Variants in CDS1 observed in about 807,000 individuals in gnomAD.
CDS1 encodes CDP-diacylglycerol synthase 1.
A neutral mutation model predicts 62.1 loss-of-function variants in CDS1; 41 were observed. The observed-to-expected ratio is 0.66, with a 90% CI of 0.51 to 0.86. The LOEUF is 0.86. Ranked by LOEUF, CDS1 falls within the 40% of genes least tolerant of loss-of-function variation. The pLI, the probability that CDS1 is intolerant of heterozygous loss-of-function variation, is 0.00. For missense variants in CDS1, 470 were observed against 550.1 expected (o/e 0.85, Z 1.46); for synonymous variants, 185 against 192.6 (o/e 0.96, Z 0.32).
At chr4:84,616,289 A>G (rs932965799) in intron 3 of CDS1, among the ~76,000 whole-genome samples, 2 of 152,170 alleles carry the variant, frequency 1.3e-5, no homozygotes, top group Non-Finnish European at 2.9e-5. Flanking sequence ...AGTACTGTTT[A>G]TGGTTTGACG....
At chr4:84,634,655 TTGTG>T (rs530006509) in intron 7 of CDS1, among the ~76,000 whole-genome samples, 38 of 151,984 alleles carry the variant, frequency 2.5e-4, no homozygotes, top group Admixed American at 7.2e-4. Context: ...GGTTGTGTCT[TTGTG>T]TGTGTGTGTC....
At chr4:84,593,498 T>G (rs1002792266) in intron 1 of CDS1, among the ~76,000 whole-genome samples, 1 of 128,960 alleles carries the variant, frequency 7.8e-6, no homozygotes, top group Non-Finnish European at 1.7e-5. Context: ...AGTTACAAGG[T>G]TTTTTTTGTT....
At chr4:84,618,546 T>A (rs1180681781) in intron 4 of CDS1, among the ~76,000 whole-genome samples, 1 of 152,212 alleles carries the variant, frequency 6.6e-6, no homozygotes, top group Non-Finnish European at 1.5e-5. Context: ...AAGTTTTGGA[T>A]AAAGAAGAGT....
At chr4:84,611,675 G>T (rs976854066) in intron 3 of CDS1, among the ~76,000 whole-genome samples, 8 of 152,148 alleles carry the variant, frequency 5.3e-5, no homozygotes, top group African/African-American at 1.9e-4. Context: ...TAATGAAAAT[G>T]AATAAGAAGT....
rs569433649 is a variant in CDS1 at position 84,591,013 on chromosome 4, G to A, written c.117+7495G>A. On this transcript the variant is annotated intron_variant, in intron 1 of 12. Transcript: ENST00000295887. ...GCCTCTCGGGGCCTGATAATTTAAT[G>A]AGACTCATATTCTTCAAAATAAAAG... 2.4e-4 allele frequency among the ~76,000 whole-genome samples: 37 copies of A among 152,232 alleles called. 2 individuals carry two copies. The South Asian group carries it at 7.7e-3, about 32-fold the overall frequency.
rs397687994 is a variant in CDS1 at position 84,638,870 on chromosome 4, T to TA, written c.811-54_811-53insA. 1,241 of 517,542 alleles carry TA rather than the reference T, an allele frequency of 2.4e-3. 3 individuals are homozygous for TA. The highest frequency in any genetic ancestry group is 3.2e-3 in the Admixed American group (94 of 29,736). The allele number at this position is 517,542 out of a possible 1,614,324, so 32.1% of individuals were successfully genotyped here. On this transcript the variant is annotated intron_variant, in intron 8 of 12. Transcript: ENST00000295887. ...GTTTATATATATATATATATATATA[T>TA]TGTGAGTTTTGTGAGTGCAGTAAAG...
In CDS1 at chr4:84,648,707, A is replaced by G. The variant is rs1219187245; in HGVS notation, c.*21A>G. ...TATAACTGGATCCAGAGAGGGAAGG[A>G]CTGACAAGAAGGAATTATTCAGAAA... On this transcript the variant is annotated 3_prime_UTR_variant, in exon 13 of 13. Coordinates refer to ENST00000295887, the MANE Select transcript of CDS1 (RefSeq NM_001263.4). 2 of 1,600,016 alleles carry G rather than the reference A, an allele frequency of 1.2e-6. No homozygotes were observed. Among genetic ancestry groups the G allele is most frequent in the African/African-American group, 1.3e-5 (1 of 74,254 alleles).
At chr4:84,616,014 TCTCTC>T (rs753881585) in intron 3 of CDS1, among the ~76,000 whole-genome samples, 6 of 152,342 alleles carry the variant, frequency 3.9e-5, no homozygotes, top group South Asian at 2.1e-4. Context: ...ATACTTTTGT[TCTCTC>T]CTCTCAGTAA....
intron 1 of CDS1, among the ~76,000 whole-genome samples, chr4:84,592,617 G>T (rs1268889630): frequency 6.6e-6 from 1 of 152,142 alleles, no homozygotes; most frequent in Non-Finnish European, 1.5e-5. Context: ...TCTCAGAACT[G>T]TCAAGATTTT....
intron 5 of CDS1, among the ~76,000 whole-genome samples, chr4:84,631,350 A>T (rs1336154438): frequency 6.6e-6 from 1 of 152,202 alleles, no homozygotes; most frequent in East Asian, 1.9e-4. Flanking sequence ...GTAATAAAGG[A>T]TCATCATTAA....
chr4:84,588,570 T>G (rs992992775), intron 1 of CDS1, among the ~76,000 whole-genome samples: 2 of 152,068 alleles, frequency 1.3e-5, no homozygotes, highest in Non-Finnish European at 2.9e-5. Context: ...AAAAGATAGT[T>G]TGGTGTGCAG....
intron 1 of CDS1, among the ~76,000 whole-genome samples, chr4:84,591,276 T>C (rs532275440): frequency 2.0e-5 from 3 of 152,350 alleles, no homozygotes; most frequent in African/African-American, 7.2e-5. Flanking sequence ...TTAACCATTT[T>C]ATATTTGGGG....
intron 1 of CDS1, among the ~76,000 whole-genome samples, chr4:84,588,105 AT>A (rs1722473123): frequency 6.6e-6 from 1 of 152,168 alleles, no homozygotes; most frequent in Non-Finnish European, 1.5e-5. Context: ...AAATATTCTG[AT>A]TTCCTTCACT....
chr4:84,622,464 G>A (rs1201608457), intron 5 of CDS1, among the ~76,000 whole-genome samples: 3 of 151,824 alleles, frequency 2.0e-5, no homozygotes, highest in Non-Finnish European at 4.4e-5. Context: ...GCGGTGGCAG[G>A]TGCCTGTAAT....
chr4:84,599,832 T>C (rs1342611691), intron 1 of CDS1, among the ~76,000 whole-genome samples: 1 of 152,170 alleles, frequency 6.6e-6, no homozygotes, highest in Non-Finnish European at 1.5e-5. Context: ...CGAGTAAAGC[T>C]ACCATGAACA....
chr4:84,601,172 C>CAAAA lies in CDS1; in HGVS notation c.118-3059_118-3056dup, dbSNP rs59688950. On this transcript the variant is annotated intron_variant, in intron 1 of 12. Transcript: ENST00000295887. ...TAGGTGACAGAGTAAGACCCTGTCT[C>CAAAA]AAAAAAAAAAAAAAAGAGCAAAAGA... Among the ~76,000 whole-genome samples the CAAAA allele has an allele frequency of 7.8e-4, 69 of 88,256 alleles. 1 individual carries two copies. The highest frequency in any genetic ancestry group is 7.6e-3 in the South Asian group (15 of 1,974). The allele number at this position is 88,256 out of a possible 152,430, so 57.9% of individuals were successfully genotyped here. A position where few individuals can be genotyped will look rare whatever the true frequency, so the allele number is the denominator to read the frequency against.
At chr4:84,616,618 A>C (rs1723502412) in intron 3 of CDS1, among the ~76,000 whole-genome samples, 1 of 152,232 alleles carries the variant, frequency 6.6e-6, no homozygotes. Context: ...GACAGTATAA[A>C]AACAAGCCCT....
At chr4:84,638,245 G>A (rs551198490) in intron 8 of CDS1, among the ~76,000 whole-genome samples, 43 of 152,250 alleles carry the variant, frequency 2.8e-4, no homozygotes, top group African/African-American at 1.0e-3. Context: ...TCCATTGACT[G>A]GGCAGCAATA....
intron 5 of CDS1, among the ~76,000 whole-genome samples, chr4:84,626,893 G>GTTTT (rs1338132483): frequency 6.6e-6 from 1 of 152,144 alleles, no homozygotes; most frequent in Non-Finnish European, 1.5e-5. Context: ...TAGTATCAGT[G>GTTTT]TTTTGTTTGC....
Sources: allele counts gnomAD v4.1 joint callset (sites outside exome capture counted in the v4.1 genomes callset), GRCh38; gene constraint gnomAD v4.1.1; transcripts MANE v1.5; gene names NCBI Gene and HGNC (gene_info 2026-07-23, HGNC 2026-07-21).